The following CTNND2 variants were observed in gnomAD, a reference collection of about 807,000 sequenced individuals.
The protein encoded by CTNND2 is catenin delta 2.
A neutral mutation model predicts 144.4 loss-of-function variants in CTNND2; 22 were observed. The observed-to-expected ratio is 0.15, with a 90% CI of 0.11 to 0.22. The LOEUF is 0.22. Among genes scored for constraint, CTNND2 ranks in the 10% least tolerant of loss-of-function variants. The pLI, the probability that CTNND2 is intolerant of heterozygous loss-of-function variation, is 1.00. For missense variants in CTNND2, 1,353 were observed against 1,618.8 expected, an observed-to-expected ratio of 0.84 and a Z score of 2.82; for synonymous variants, 751 against 695.6, an observed-to-expected ratio of 1.08 and a Z score of -1.25.
Position 11,863,370 on chromosome 5 carries a change from G to A in CTNND2, c.37+40447C>T, listed in dbSNP as rs560453401. The stretch of plus-strand genomic sequence containing the variant: ...TCAATGGGAATAAATCAAATTATGG[G>A]GCCAGATATATCACACCAGGACCTC... On this transcript the variant is annotated intron_variant, in intron 1 of 21. Transcript: ENST00000304623. 7.9e-5 allele frequency among the ~76,000 whole-genome samples: 12 copies of A among 152,064 alleles called. No homozygotes were observed. The East Asian group carries it at 2.3e-3, about 29-fold the overall frequency.
chr5:11,323,068 T>C lies in CTNND2; in HGVS notation c.1628+23304A>G, dbSNP rs182525460. On this transcript the variant is annotated intron_variant, in intron 9 of 21. Coordinates refer to ENST00000304623, the MANE Select transcript of CTNND2 (RefSeq NM_001332.4). The stretch of plus-strand genomic sequence containing the variant: ...TTGTTTGTTTGTCTGAGTCAGGATC[T>C]TGCTGTCTTGCCCCGGCTTGAGTAC... 1.0e-3 allele frequency among the ~76,000 whole-genome samples: 153 copies of C among 152,274 alleles called. 2 individuals carry two copies. Among genetic ancestry groups the C allele is most frequent in the Middle Eastern group, 3.4e-3 (1 of 294 alleles).
At chr5:11,523,376 G>A (rs1772929007) in intron 3 of CTNND2, among the ~76,000 whole-genome samples, 1 of 151,986 alleles carries the variant, frequency 6.6e-6, no homozygotes, top group Non-Finnish European at 1.5e-5. Context: ...ATAAGGTTAT[G>A]GTATCATGTA....
At chr5:11,327,829 T>C (rs1332024857) in intron 9 of CTNND2, among the ~76,000 whole-genome samples, 2 of 152,186 alleles carry the variant, frequency 1.3e-5, no homozygotes, top group Non-Finnish European at 2.9e-5. Flanking sequence ...TGAGGCAGGG[T>C]CTGGGATTCT....
At chr5:11,658,797 G>A (rs1373399906) in intron 2 of CTNND2, among the ~76,000 whole-genome samples, 2 of 152,042 alleles carry the variant, frequency 1.3e-5, no homozygotes, top group African/African-American at 2.4e-5. Flanking sequence ...CAGCATTACT[G>A]GCTGCTAAAA....
intron 12 of CTNND2, among the ~76,000 whole-genome samples, chr5:11,142,044 A>T (rs1756784077): frequency 6.6e-6 from 1 of 152,112 alleles, no homozygotes; most frequent in Non-Finnish European, 1.5e-5. Context: ...ACCATGATGC[A>T]GCAAGAAGGC....
intron 7 of CTNND2, among the ~76,000 whole-genome samples, chr5:11,375,628 A>G (rs1757854263): frequency 6.6e-6 from 1 of 152,178 alleles, no homozygotes; most frequent in Admixed American, 6.5e-5. Context: ...TTAAAACATT[A>G]ATTTTCTAGT....
In CTNND2 at chr5:11,895,577, C is replaced by G. The variant is rs956599743; in HGVS notation, c.37+8240G>C. 4.6e-5 allele frequency among the ~76,000 whole-genome samples: 7 copies of G among 152,138 alleles called. No homozygotes were observed. In the East Asian group the frequency reaches 1.3e-3, roughly 29 times the overall value. ...CTGCTGTATTTACTACTGGGACACA[C>G]GAAATCAGCAAGCAGTAAAATGTTT... On this transcript the variant is annotated intron_variant, in intron 1 of 21. Transcript: ENST00000304623.
intron 1 of CTNND2, among the ~76,000 whole-genome samples, chr5:11,787,467 A>G (rs1483464717): frequency 1.3e-5 from 2 of 152,206 alleles, no homozygotes; most frequent in African/African-American, 2.4e-5. Flanking sequence ...CCACAGCCAC[A>G]CCATGAAGTA....
chr5:11,662,970 A>G (rs1217758271), intron 2 of CTNND2, among the ~76,000 whole-genome samples: 2 of 152,230 alleles, frequency 1.3e-5, no homozygotes, highest in Non-Finnish European at 2.9e-5. Flanking sequence ...GGAGCACATC[A>G]GAGCATTATG....
rs577751945 is a variant in CTNND2 at position 11,499,250 on chromosome 5, T to C, written c.287+65694A>G. Among the ~76,000 whole-genome samples the C allele has an allele frequency of 8.5e-5, 13 of 152,282 alleles. No individual in the cohort carries two copies. The South Asian group carries it at 2.5e-3, about 29-fold the overall frequency. On this transcript the variant is annotated intron_variant, in intron 3 of 21. Transcript: ENST00000304623. Reference sequence around the variant, plus strand: ...AGGGAGCAAAGCCTCCTGAAACCTATCTATGGATACCAGTTCACGATCCTC... The same window carrying C: ...AGGGAGCAAAGCCTCCTGAAACCTACCTATGGATACCAGTTCACGATCCTC...
At chr5:11,301,043 ATGGGCTGGGC>A (rs575119397) in intron 9 of CTNND2, among the ~76,000 whole-genome samples, 2 of 152,018 alleles carry the variant, frequency 1.3e-5, no homozygotes, top group Non-Finnish European at 2.9e-5. Flanking sequence ...GGGCTGTTGC[ATGGGCTGGGC>A]TGGGCTGGGC....
At chr5:11,243,576 T>C (rs1285874988) in intron 9 of CTNND2, among the ~76,000 whole-genome samples, 1 of 152,206 alleles carries the variant, frequency 6.6e-6, no homozygotes, top group Non-Finnish European at 1.5e-5. Context: ...TGGGCTTCAC[T>C]TTAGAAATGT....
chr5:11,835,104 C>T (rs1794105229), intron 1 of CTNND2, among the ~76,000 whole-genome samples: 1 of 152,216 alleles, frequency 6.6e-6, no homozygotes, highest in Non-Finnish European at 1.5e-5. Context: ...CACCACTGCA[C>T]TCCAGCCTGA....
At chr5:11,643,872 G>C (rs894435968) in intron 2 of CTNND2, among the ~76,000 whole-genome samples, 3 of 151,814 alleles carry the variant, frequency 2.0e-5, no homozygotes, top group African/African-American at 7.3e-5. Context: ...GAAGTAAAAC[G>C]AAAGAATTTC....
chr5:11,791,025 T>C (rs1226705555), intron 1 of CTNND2, among the ~76,000 whole-genome samples: 2 of 151,904 alleles, frequency 1.3e-5, no homozygotes, highest in Non-Finnish European at 2.9e-5. Flanking sequence ...GAGATGATGA[T>C]GTGAAGACAC....
At chr5:11,301,645 C>T (rs547828979) in intron 9 of CTNND2, among the ~76,000 whole-genome samples, 1 of 152,100 alleles carries the variant, frequency 6.6e-6, no homozygotes, top group African/African-American at 2.4e-5. Flanking sequence ...TTTTAAAATT[C>T]GTATTCTTCA....
intron 2 of CTNND2, among the ~76,000 whole-genome samples, chr5:11,695,942 C>T (rs567738604): frequency 3.0e-4 from 46 of 152,284 alleles, no homozygotes; most frequent in South Asian, 1.4e-3. Flanking sequence ...AACAGTAGTT[C>T]ACACTGCCTG....
At chr5:11,790,223 G>C (rs898542285) in intron 1 of CTNND2, among the ~76,000 whole-genome samples, 2 of 151,930 alleles carry the variant, frequency 1.3e-5, no homozygotes, top group African/African-American at 2.4e-5. Flanking sequence ...AACTTTTTTT[G>C]GTTAATCAAT....
chr5:11,623,808 GTATATATATATATATATATATA>G (rs58954001), intron 2 of CTNND2, among the ~76,000 whole-genome samples: 109 of 40,732 alleles, frequency 2.7e-3, no homozygotes, highest in South Asian at 0.023. Flanking sequence ...ATGTGTGTAT[GTATATATATATATATATATATA>G]TATATATATA....
Sources: gnomAD v4.1 joint callset for allele counts (sites outside exome capture counted in the v4.1 genomes callset) on GRCh38, gnomAD v4.1.1 for gene constraint, MANE v1.5 for transcripts, NCBI Gene and HGNC (gene_info 2026-07-23, HGNC 2026-07-21) for gene names.